Variants in EML4 observed in about 807,000 individuals in gnomAD.
The protein encoded by EML4 is EMAP like 4, also known as echinoderm microtubule-associated protein-like 4.
Under a neutral mutation model 129.0 loss-of-function variants are expected in EML4, and 72 were observed. That is an observed-to-expected ratio of 0.56 (90% CI 0.46 to 0.68). EML4 has a LOEUF of 0.68. Among genes scored for constraint, EML4 ranks in the 30% least tolerant of loss-of-function variants. The probability of loss-of-function intolerance (pLI) is 0.00; values close to 1 mark genes in which losing one functional copy is unlikely to be tolerated. For synonymous variants in EML4, 532 were observed against 405.0 expected, an observed-to-expected ratio of 1.31 and a Z score of -3.77; for missense variants, 1,363 against 1,190.6, an observed-to-expected ratio of 1.14 and a Z score of -2.13.
intron 17 of EML4, among the ~76,000 whole-genome samples, chr2:42,314,439 CT>C (rs1669123695): frequency 6.6e-6 from 1 of 152,022 alleles, no homozygotes; most frequent in Non-Finnish European, 1.5e-5. Flanking sequence ...TGGGCTGAAA[CT>C]TTTAGGCAGC....
intron 1 of EML4, among the ~76,000 whole-genome samples, chr2:42,178,492 T>C (rs1424962424): frequency 5.9e-5 from 9 of 152,014 alleles, no homozygotes; most frequent in Non-Finnish European, 1.0e-4. Flanking sequence ...TGCAGTGAGC[T>C]ATGATATGCC....
intron 6 of EML4, among the ~76,000 whole-genome samples, chr2:42,265,492 A>C (rs1666007840): frequency 6.6e-6 from 1 of 152,150 alleles, no homozygotes; most frequent in South Asian, 2.1e-4. Context: ...CTCCCGCCTC[A>C]GCCCCCCAAA....
intron 1 of EML4, among the ~76,000 whole-genome samples, chr2:42,208,628 T>C (rs1409559742): frequency 1.3e-5 from 2 of 151,812 alleles, no homozygotes; most frequent in Admixed American, 1.3e-4. Context: ...AGAGACGGGG[T>C]TTCACCATCT....
At chr2:42,233,955 GTT>G (rs1259772060) in intron 1 of EML4, among the ~76,000 whole-genome samples, 8 of 152,220 alleles carry the variant, frequency 5.3e-5, no homozygotes, top group Admixed American at 1.3e-4. Context: ...TTGTTAACCA[GTT>G]TAAAGAAGAT....
intron 7 of EML4, among the ~76,000 whole-genome samples, chr2:42,281,488 A>G (rs1214230306): frequency 2.0e-5 from 3 of 152,218 alleles, no homozygotes; most frequent in African/African-American, 7.2e-5. Flanking sequence ...AGGATAAACA[A>G]TATTTTTTGA....
At chr2:42,257,804 C>G (rs1310063538) in intron 3 of EML4, among the ~76,000 whole-genome samples, 1 of 150,774 alleles carries the variant, frequency 6.6e-6, no homozygotes, top group African/African-American at 2.4e-5. Context: ...GCCACTGTAT[C>G]CCAGCCTGGG....
chr2:42,173,594 G>T (rs1218752167), intron 1 of EML4, among the ~76,000 whole-genome samples: 1 of 152,074 alleles, frequency 6.6e-6, no homozygotes, highest in East Asian at 1.9e-4. Flanking sequence ...CACGCCTGTA[G>T]TCCCAGCACT....
intron 1 of EML4, among the ~76,000 whole-genome samples, chr2:42,216,654 G>A (rs1192353640): frequency 6.6e-6 from 1 of 152,120 alleles, no homozygotes; most frequent in Non-Finnish European, 1.5e-5. Context: ...GTTGTTGCTA[G>A]TGTATGTAAT....
intron 1 of EML4, among the ~76,000 whole-genome samples, chr2:42,224,365 C>T (rs765744544): frequency 1.3e-5 from 2 of 152,126 alleles, no homozygotes; most frequent in Non-Finnish European, 2.9e-5. Context: ...ATCCATGTTG[C>T]AGCATGTATC....
In EML4 at chr2:42,296,477, TTCTCTCTC is replaced by T. The variant is rs10689031; in HGVS notation, c.1489+975_1489+982del. On this transcript the variant is annotated intron_variant, in intron 13 of 22. Transcript: ENST00000318522. ...AACACACTGGAACAACACCTTATACTTCTCTCTCTCTCTCTCTCTCTGGAGTCCTTGCA... is the reference window on the plus strand; with the variant it reads ...AACACACTGGAACAACACCTTATACTTCTCTCTCTCTCTGGAGTCCTTGCA... 2.0e-5 allele frequency among the ~76,000 whole-genome samples: 3 copies of T among 148,920 alleles called. No individual in the cohort carries two copies. In the South Asian group the frequency reaches 6.4e-4, roughly 32 times the overall value.
intron 1 of EML4, among the ~76,000 whole-genome samples, chr2:42,177,411 A>AGGAGTTTGAGACCAGCCTG (rs1425569243): frequency 1.3e-5 from 2 of 152,090 alleles, no homozygotes; most frequent in African/African-American, 2.4e-5. Context: ...ACTTGAGCTC[A>AGGAGTTTGAGACCAGCCTG]GGAGTTTGAG....
chr2:42,222,958 C>G (rs1365460000), intron 1 of EML4, among the ~76,000 whole-genome samples: 1 of 152,132 alleles, frequency 6.6e-6, no homozygotes, highest in South Asian at 2.1e-4. Flanking sequence ...GCCACCACAC[C>G]CGGTTAATTT....
At chr2:42,329,293 A>G (rs1322121413) in intron 22 of EML4, among the ~76,000 whole-genome samples, 1 of 152,180 alleles carries the variant, frequency 6.6e-6, no homozygotes, top group Non-Finnish European at 1.5e-5. Context: ...TGGCAATTTA[A>G]AATCTCTCCT....
intron 6 of EML4, among the ~76,000 whole-genome samples, chr2:42,269,599 G>A (rs1162644478): frequency 6.6e-6 from 1 of 152,142 alleles, no homozygotes; most frequent in African/African-American, 2.4e-5. Flanking sequence ...ATATAGAGTA[G>A]TTAGGGAAGA....
chr2:42,306,947 C>G (rs749776280), intron 17 of EML4, among the ~76,000 whole-genome samples: 5 of 152,150 alleles, frequency 3.3e-5, no homozygotes, highest in Non-Finnish European at 7.3e-5. Flanking sequence ...CTTGTCCTTT[C>G]CTCTAATCCA....
intron 17 of EML4, among the ~76,000 whole-genome samples, chr2:42,311,380 G>A (rs1344393903): frequency 6.6e-6 from 1 of 152,024 alleles, no homozygotes; most frequent in Non-Finnish European, 1.5e-5. Flanking sequence ...CAGCAACATG[G>A]CAAAACCCCT....
chr2:42,251,477 G>T (rs1558541214), intron 2 of EML4, among the ~76,000 whole-genome samples: 1 of 152,172 alleles, frequency 6.6e-6, no homozygotes, highest in Non-Finnish European at 1.5e-5. Flanking sequence ...TTAAGTAGTG[G>T]CCACAAGTTG....
chr2:42,205,919 C>T (rs913993713), intron 1 of EML4, among the ~76,000 whole-genome samples: 5 of 152,088 alleles, frequency 3.3e-5, no homozygotes, highest in Admixed American at 2.6e-4. Flanking sequence ...TCTTTCTCTC[C>T]TCTACCTAGC....
chr2:42,185,072 T>C (rs1251254176), intron 1 of EML4, among the ~76,000 whole-genome samples: 2 of 152,180 alleles, frequency 1.3e-5, no homozygotes, highest in Non-Finnish European at 2.9e-5. Context: ...AAATCATTGG[T>C]CCCGGAATAA....
Sources: gnomAD v4.1 joint callset for allele counts (sites outside exome capture counted in the v4.1 genomes callset) on GRCh38, gnomAD v4.1.1 for gene constraint, MANE v1.5 for transcripts, NCBI Gene and HGNC (gene_info 2026-07-23, HGNC 2026-07-21) for gene names.